The following SPATA6L variants were observed in gnomAD, a reference collection of about 807,000 sequenced individuals.
SPATA6L encodes spermatogenesis associated 6 like.
Under a neutral mutation model 49.2 loss-of-function variants are expected in SPATA6L, and 68 were observed. The ratio of observed to expected loss-of-function variants is 1.38; its 90% confidence interval spans 1.14 to 1.69. The LOEUF (loss-of-function observed/expected upper bound fraction) is 1.69, where lower values mean the gene tolerates loss of function less well. Among genes scored for constraint, SPATA6L ranks in the 40% most tolerant of loss-of-function variants. The pLI, the probability that SPATA6L is intolerant of heterozygous loss-of-function variation, is 0.00. For missense variants in SPATA6L, 668 were observed against 464.3 expected, an observed-to-expected ratio of 1.44 and a Z score of -4.03; for synonymous variants, 198 against 165.7, an observed-to-expected ratio of 1.19 and a Z score of -1.50.
intron 1 of SPATA6L, chr9:4,663,102 G>C (rs1840262719): frequency 6.2e-7 from 1 of 1,614,068 alleles, no homozygotes; most frequent in East Asian, 2.2e-5. Context: ...GGTTCTGTGG[G>C]CCTTCGTCTT....
chr9:4,632,226 G>C (rs570893419), intron 4 of SPATA6L, among the ~76,000 whole-genome samples: 3 of 151,134 alleles, frequency 2.0e-5, no homozygotes, highest in East Asian at 3.9e-4. Flanking sequence ...CACTGTGCTG[G>C]CCAGGCTGAA....
chr9:4,642,255 A>C (rs1253224731), intron 3 of SPATA6L, among the ~76,000 whole-genome samples: 1 of 152,234 alleles, frequency 6.6e-6, no homozygotes, highest in African/African-American at 2.4e-5. Context: ...AGCATACTAA[A>C]ATATAATGTG....
At chr9:4,654,941 T>G (rs573288003) in intron 3 of SPATA6L, among the ~76,000 whole-genome samples, 3 of 152,274 alleles carry the variant, frequency 2.0e-5, no homozygotes, top group East Asian at 3.9e-4. Flanking sequence ...ACACCCTTCC[T>G]GTACCGAGCA....
rs1350889584 is a variant in SPATA6L at position 4,646,678 on chromosome 9, G to A, written c.226+9363C>T. The A allele has an allele frequency of 2.4e-5, 10 of 408,370 alleles. No individual in the cohort carries two copies. In the Admixed American group the frequency reaches 2.9e-4, roughly 12 times the overall value. The allele number at this position is 408,370 out of a possible 1,614,324, so 25.3% of individuals were successfully genotyped here. On this transcript the variant is annotated intron_variant, in intron 3 of 11. Transcript: ENST00000682582. Reference sequence around the variant, plus strand: ...TAACTGCCAAACCAACATCAAATCAGGTATTTCTAGAATTAACCAATCAAG... The same window carrying A: ...TAACTGCCAAACCAACATCAAATCAAGTATTTCTAGAATTAACCAATCAAG...
intron 9 of SPATA6L, chr9:4,617,604 T>TC (rs1324448589): frequency 1.3e-5 from 3 of 228,062 alleles, no homozygotes; most frequent in African/African-American, 4.5e-5. Context: ...CACTTTTTTT[T>TC]CTGTAATTTT....
At chr9:4,616,917 A>C (rs1375846082) in intron 9 of SPATA6L, among the ~76,000 whole-genome samples, 2 of 152,096 alleles carry the variant, frequency 1.3e-5, no homozygotes, top group South Asian at 4.1e-4. Context: ...ATGTTGTATT[A>C]TTTTCTTCTA....
At chr9:4,652,183 G>A (rs1837049000) in intron 3 of SPATA6L, among the ~76,000 whole-genome samples, 1 of 152,184 alleles carries the variant, frequency 6.6e-6, no homozygotes, top group Admixed American at 6.5e-5. Flanking sequence ...CACTTTCGGA[G>A]GCCAAGGCAG....
In SPATA6L at chr9:4,599,282, G is replaced by A. The variant is rs919398360; in HGVS notation, c.*1529C>T. 6.6e-6 allele frequency among the ~76,000 whole-genome samples: 1 copy of A among 152,180 alleles called. No individual in the cohort carries two copies. Among genetic ancestry groups the A allele is most frequent in the African/African-American group, 2.4e-5 (1 of 41,450 alleles). On this transcript the variant is annotated 3_prime_UTR_variant, in exon 12 of 12. Coordinates refer to ENST00000682582, the MANE Select transcript of SPATA6L (RefSeq NM_001353486.2). ...TTCAGATTTCAGATTTTTAGATTGG[G>A]AGGTTCAACTTGGATATACCTTTAT...
At chr9:4,641,649 A>G (rs951323151) in intron 3 of SPATA6L, among the ~76,000 whole-genome samples, 2 of 152,250 alleles carry the variant, frequency 1.3e-5, no homozygotes, top group Non-Finnish European at 2.9e-5. Flanking sequence ...TGGATGTGGA[A>G]CTTGACAATC....
chr9:4,595,991 T>C (rs1207232288), downstream of SPATA6L, among the ~76,000 whole-genome samples: 1 of 152,184 alleles, frequency 6.6e-6, no homozygotes, highest in Non-Finnish European at 1.5e-5. Context: ...GATGGGGTGT[T>C]ACATGCTCCA....
At chr9:4,613,406 C>A (rs559709384) in intron 9 of SPATA6L, among the ~76,000 whole-genome samples, 2 of 152,166 alleles carry the variant, frequency 1.3e-5, no homozygotes, top group East Asian at 3.9e-4. Context: ...CAGGCCTCCA[C>A]TCCAGCTCTC....
At chr9:4,654,549 G>C (rs1837660082) in intron 3 of SPATA6L, among the ~76,000 whole-genome samples, 1 of 152,172 alleles carries the variant, frequency 6.6e-6, no homozygotes, top group Non-Finnish European at 1.5e-5. Flanking sequence ...TGTACCCCCG[G>C]GTTTCTTGCC....
At chr9:4,595,396 A>C (rs1194749274), downstream of SPATA6L, among the ~76,000 whole-genome samples, 1 of 152,012 alleles carries the variant, frequency 6.6e-6, no homozygotes, top group African/African-American at 2.4e-5. Context: ...AGGCTTTGTC[A>C]GAGTCTCCCC....
intron 11 of SPATA6L, among the ~76,000 whole-genome samples, chr9:4,603,771 G>C (rs750416388): frequency 2.0e-5 from 3 of 152,212 alleles, no homozygotes; most frequent in Non-Finnish European, 4.4e-5. Context: ...ATCACAGAGA[G>C]AGGGAGTGTC....
intron 6 of SPATA6L, 140 bp downstream of exon 6, chr9:4,625,187 T>C (rs1830105035): frequency 7.2e-7 from 1 of 1,381,348 alleles, no homozygotes; most frequent in Non-Finnish European, 9.5e-7. Context: ...GAACATAATT[T>C]AATCACAATT....
chr9:4,631,819 C>T (rs1340794024), intron 4 of SPATA6L, among the ~76,000 whole-genome samples: 1 of 152,068 alleles, frequency 6.6e-6, no homozygotes, highest in East Asian at 1.9e-4. Flanking sequence ...GCTCTGAAGC[C>T]AGTCAGGCCA....
intron 9 of SPATA6L, among the ~76,000 whole-genome samples, chr9:4,612,206 C>A (rs970238986): frequency 6.6e-6 from 1 of 152,030 alleles, no homozygotes; most frequent in Non-Finnish European, 1.5e-5. Flanking sequence ...AACTTTTGTA[C>A]TCAGTGATCC....
chr9:4,655,709 C>A (rs537885155), intron 3 of SPATA6L, among the ~76,000 whole-genome samples: 12 of 151,968 alleles, frequency 7.9e-5, no homozygotes, highest in Non-Finnish European at 1.6e-4. Context: ...CCACCACATC[C>A]GGCTAATTTT....
At position 4,630,810 on chromosome 9, in the gene SPATA6L, T is replaced by C. The variant is rs574589907; in HGVS notation, c.352-1642A>G. On this transcript the variant is annotated intron_variant, in intron 4 of 11. Transcript: ENST00000682582. ...ACCAGGTATTGTGCTAAACACTATATATTACCTCATCTAACACTCACAATA... is the reference window on the plus strand; with the variant it reads ...ACCAGGTATTGTGCTAAACACTATACATTACCTCATCTAACACTCACAATA... Among the ~76,000 whole-genome samples the C allele has an allele frequency of 8.5e-5, 13 of 152,366 alleles. No individual in the cohort carries two copies. The South Asian group carries it at 1.4e-3, about 17-fold the overall frequency.
Sources: gnomAD v4.1 joint callset for allele counts (sites outside exome capture counted in the v4.1 genomes callset) on GRCh38, gnomAD v4.1.1 for gene constraint, MANE v1.5 for transcripts, NCBI Gene and HGNC (gene_info 2026-07-23, HGNC 2026-07-21) for gene names.